The following RASEF variants were observed in gnomAD, a reference collection of about 807,000 sequenced individuals.
RASEF encodes RAS and EF-hand domain containing, also known as ras and EF-hand domain-containing protein.
A neutral mutation model predicts 90.1 loss-of-function variants in RASEF; 68 were observed. The ratio of observed to expected loss-of-function variants is 0.75; its 90% CI spans 0.62 to 0.92. RASEF has a LOEUF of 0.92. Among genes scored for constraint, RASEF ranks in the 40% least tolerant of loss-of-function variants. The probability of loss-of-function intolerance (pLI) is 0.00; values close to 1 mark genes in which losing one functional copy is unlikely to be tolerated. For missense variants in RASEF, 949 were observed against 937.2 expected (o/e 1.01, Z -0.16); for synonymous variants, 331 against 345.2 (o/e 0.96, Z 0.46).
chr9:82,999,595 A>C (rs1004342776), intron 12 of RASEF, among the ~76,000 whole-genome samples: 2 of 151,784 alleles, frequency 1.3e-5, no homozygotes, highest in African/African-American at 4.8e-5. Flanking sequence ...TGATTGGCTA[A>C]GCAGATATCT....
the RASEF span, among the ~76,000 whole-genome samples, chr9:83,173,275 AC>A: frequency 1.3e-5 from 2 of 151,710 alleles, no homozygotes; most frequent in South Asian, 4.1e-4. Context: ...GGATATTTAT[AC>A]CTTTCTCTGG....
chr9:83,140,760 A>G, the RASEF span, among the ~76,000 whole-genome samples: 1 of 152,214 alleles, frequency 6.6e-6, no homozygotes, highest in Non-Finnish European at 1.5e-5. Context: ...AAAATAATTT[A>G]GAAAGCACTT....
At chr9:83,157,436 C>A in the RASEF span, among the ~76,000 whole-genome samples, 1 of 152,174 alleles carries the variant, frequency 6.6e-6, no homozygotes, top group Non-Finnish European at 1.5e-5. Flanking sequence ...AGAGTAAGCT[C>A]TTTCTGTCTC....
At chr9:83,165,471 C>A in the RASEF span, among the ~76,000 whole-genome samples, 1 of 152,136 alleles carries the variant, frequency 6.6e-6, no homozygotes, top group East Asian at 1.9e-4. Flanking sequence ...AATGAAAAGA[C>A]AACTTATCAA....
intron 5 of RASEF, 133 bp downstream of exon 5, chr9:83,012,301 G>A: frequency 2.0e-6 from 1 of 496,172 alleles, no homozygotes; most frequent in Admixed American, 4.2e-5. Context: ...TTTGATCAAA[G>A]TTATTTTAAG....
chr9:83,108,141 C>T, the RASEF span, among the ~76,000 whole-genome samples: 1 of 152,146 alleles, frequency 6.6e-6, no homozygotes, highest in Admixed American at 6.6e-5. Context: ...TGTTCTATAC[C>T]TTGATCTGGG....
At chr9:83,049,636 C>T (rs866858161) in intron 1 of RASEF, among the ~76,000 whole-genome samples, 7 of 145,682 alleles carry the variant, frequency 4.8e-5, no homozygotes, top group Admixed American at 3.4e-4. Flanking sequence ...GTGCGCTGCA[C>T]GCACTAACGT....
intron 1 of RASEF, among the ~76,000 whole-genome samples, chr9:83,044,582 AG>A (rs543822123): frequency 1.9e-3 from 288 of 152,288 alleles, no homozygotes; most frequent in African/African-American, 6.5e-3. Flanking sequence ...GGCATTTGGA[AG>A]GTGGGGGAAT....
chr9:83,077,583 TG>T, the RASEF span, among the ~76,000 whole-genome samples: 1 of 151,768 alleles, frequency 6.6e-6, no homozygotes, highest in Non-Finnish European at 1.5e-5. Flanking sequence ...ATGAAAACAT[TG>T]GGGAAAAAAA....
At chr9:83,167,337 T>G in the RASEF span, among the ~76,000 whole-genome samples, 1 of 149,406 alleles carries the variant, frequency 6.7e-6, no homozygotes, top group Non-Finnish European at 1.5e-5. Context: ...GCCAATGTCT[T>G]GAGTAAATCA....
chr9:83,176,907 A>G, the RASEF span, among the ~76,000 whole-genome samples: 1 of 152,202 alleles, frequency 6.6e-6, no homozygotes, highest in Admixed American at 6.5e-5. Flanking sequence ...AAGAGCACAA[A>G]GCAAGTACGT....
At chr9:83,028,827 G>C (rs1335292350) in intron 1 of RASEF, among the ~76,000 whole-genome samples, 2 of 152,156 alleles carry the variant, frequency 1.3e-5, no homozygotes, top group African/African-American at 2.4e-5. Flanking sequence ...GGTCTTTAAA[G>C]AGGTAAATAA....
At chr9:83,006,657 T>G (rs1166502861) in intron 7 of RASEF, among the ~76,000 whole-genome samples, 5 of 151,996 alleles carry the variant, frequency 3.3e-5, no homozygotes, top group Admixed American at 3.3e-4. Context: ...AACCTAGTCA[T>G]AAAGCTGACA....
the RASEF span, among the ~76,000 whole-genome samples, chr9:83,139,591 T>C: frequency 6.6e-6 from 1 of 152,136 alleles, no homozygotes; most frequent in Non-Finnish European, 1.5e-5. Context: ...ACACTTGTCA[T>C]CTTCACAATG....
At chr9:83,118,555 G>T in the RASEF span, among the ~76,000 whole-genome samples, 1 of 151,974 alleles carries the variant, frequency 6.6e-6, no homozygotes, top group East Asian at 1.9e-4. Flanking sequence ...TATTTTATCA[G>T]GTTTTAGTTG....
intron 1 of RASEF, chr9:83,048,311 GA>G: frequency 1.0e-6 from 1 of 985,392 alleles, no homozygotes; most frequent in Non-Finnish European, 1.2e-6. Context: ...CTCTGTGGTA[GA>G]GGGGTGGAAA....
In RASEF at chr9:83,012,517, A is replaced by G; in HGVS notation, c.766-6T>C. On this transcript the variant is annotated splice_region_variant and splice_polypyrimidine_tract_variant and intron_variant, in intron 4 of 16. Transcript: ENST00000376447. ...CGTTTTGATTGTTCTTCGAGCTGAA[A>G]GACCAAATAAAAGTTGTGTGCTTAC... 1 of 1,571,688 alleles carries G rather than the reference A, an allele frequency of 6.4e-7. No individual in the cohort carries two copies. Among genetic ancestry groups the G allele is most frequent in the Non-Finnish European group, 8.7e-7 (1 of 1,155,368 alleles).
chr9:83,062,467 C>A lies in RASEF; in HGVS notation c.401G>T (p.Arg134Leu). Residue 134 changes from arginine to leucine, a missense_variant, in exon 1 of 17, where the codon CGA (arginine) becomes CTA (leucine). Arg to Leu is a moderately radical substitution (Grantham distance 102). Transcript: ENST00000376447. Reference protein sequence around the residue: ...PGRAWQDFQARLGDEAKFIPR... With the variant: ...PGRAWQDFQALLGDEAKFIPR... The stretch of plus-strand genomic sequence containing the variant: ...AATGAACTTGGCTTCGTCCCCAAGT[C>A]GCGCCTGGAAATCCTGCCAAGCCCG... 1 of 1,612,944 alleles carries A rather than the reference C, an allele frequency of 6.2e-7. No individual in the cohort carries two copies. Among genetic ancestry groups the A allele is most frequent in the Non-Finnish European group, 8.5e-7 (1 of 1,179,692 alleles).
chr9:83,175,349 T>A, the RASEF span, among the ~76,000 whole-genome samples: 1 of 152,188 alleles, frequency 6.6e-6, no homozygotes, highest in African/African-American at 2.4e-5. Context: ...TTTTTCTGCA[T>A]CTATAGAGAT....
Sources: gnomAD v4.1 joint callset for allele counts (sites outside exome capture counted in the v4.1 genomes callset) on GRCh38, gnomAD v4.1.1 for gene constraint, MANE v1.5 for transcripts, NCBI Gene and HGNC (gene_info 2026-07-23, HGNC 2026-07-21) for gene names.